Variants in ANTXRL observed in about 807,000 individuals in gnomAD.
ANTXRL encodes the protein anthrax toxin receptor-like.
Under a neutral mutation model 75.4 loss-of-function variants are expected in ANTXRL, and 63 were observed. The ratio of observed to expected loss-of-function variants is 0.84; its 90% CI spans 0.68 to 1.03. The LOEUF (loss-of-function observed/expected upper bound fraction) is 1.03. Among genes scored for constraint, ANTXRL ranks in the 50% least tolerant of loss-of-function variants. The pLI, the probability that ANTXRL is intolerant of heterozygous loss-of-function variation, is 0.00. For missense variants in ANTXRL, 797 were observed against 789.4 expected, an observed-to-expected ratio of 1.01 and a Z score of -0.12; for synonymous variants, 335 against 291.3, an observed-to-expected ratio of 1.15 and a Z score of -1.53.
intron 16 of ANTXRL, among the ~76,000 whole-genome samples, chr10:46,323,940 A>G (rs1293165752): frequency 6.6e-6 from 1 of 152,168 alleles, no homozygotes; most frequent in African/African-American, 2.4e-5. Flanking sequence ...TGAGTCCAAG[A>G]AAACCTCTTA....
chr10:46,302,570 T>C (rs1365233938), intron 9 of ANTXRL, among the ~76,000 whole-genome samples, 152 bp from the exon 10 acceptor site: 1 of 152,116 alleles, frequency 6.6e-6, no homozygotes, highest in Admixed American at 6.5e-5. Context: ...TTTGACCTAG[T>C]GGACACATAG....
intron 16 of ANTXRL, among the ~76,000 whole-genome samples, chr10:46,317,753 G>A (rs993893422): frequency 1.1e-4 from 17 of 152,010 alleles, no homozygotes; most frequent in South Asian, 2.1e-4. Context: ...AACATAATCG[G>A]GAAATACAAA....
In ANTXRL at chr10:46,289,507, C is replaced by A. The variant is rs187026448; in HGVS notation, c.248+1997C>A. 3.5e-4 allele frequency among the ~76,000 whole-genome samples: 53 copies of A among 152,242 alleles called. No individual in the cohort carries two copies. In the East Asian group the frequency reaches 5.8e-3, roughly 17 times the overall value. On this transcript the variant is annotated intron_variant, in intron 1 of 16. Transcript: ENST00000620264. ...AATTTGGGAGCCAAGGCAAGAGGAT[C>A]GCTTGAGTCTAGGAGTTCAAGATCA...
At chr10:46,324,123 G>A (rs2132912663) in intron 16 of ANTXRL, among the ~76,000 whole-genome samples, 1 of 152,212 alleles carries the variant, frequency 6.6e-6, no homozygotes, top group African/African-American at 2.4e-5. Context: ...TGCTATAGAA[G>A]GTAAATTGAG....
intron 15 of ANTXRL, among the ~76,000 whole-genome samples, chr10:46,311,925 T>C (rs367701009): frequency 6.6e-6 from 1 of 150,782 alleles, no homozygotes; most frequent in African/African-American, 2.4e-5. Context: ...GAAGGATCCA[T>C]GTTTCTGTAC....
At chr10:46,305,920 C>T (rs4611148) in intron 10 of ANTXRL, among the ~76,000 whole-genome samples, 18 of 152,282 alleles carry the variant, frequency 1.2e-4, no homozygotes, top group African/African-American at 4.3e-4. Flanking sequence ...TGAGCTTCCT[C>T]TTCACATCCA....
chr10:46,294,628 A>G (rs1674521859), intron 3 of ANTXRL, among the ~76,000 whole-genome samples: 1 of 151,320 alleles, frequency 6.6e-6, no homozygotes, highest in African/African-American at 2.4e-5. Flanking sequence ...GGGAATACAG[A>G]GTAGGGGAGC....
chr10:46,324,650 C>T (rs536250917), intron 16 of ANTXRL, among the ~76,000 whole-genome samples: 12 of 152,226 alleles, frequency 7.9e-5, no homozygotes, highest in Admixed American at 6.5e-4. Context: ...CAGTTTGGAC[C>T]TTTATAGACG....
At chr10:46,293,297 CCTGTGT>C (rs1837108020) in intron 2 of ANTXRL, among the ~76,000 whole-genome samples, 1 of 36,452 alleles carries the variant, frequency 2.7e-5, no homozygotes, top group African/African-American at 7.2e-5. Context: ...TGCGTGTGTG[CCTGTGT>C]GTGTGTGCGT....
intron 5 of ANTXRL, among the ~76,000 whole-genome samples, chr10:46,296,610 G>A (rs1837393102): frequency 6.6e-6 from 1 of 152,140 alleles, no homozygotes. Flanking sequence ...CGAGTGACTT[G>A]CATCCCCTGA....
chr10:46,316,454 C>G (rs1286870783), intron 16 of ANTXRL, among the ~76,000 whole-genome samples: 4 of 152,114 alleles, frequency 2.6e-5, no homozygotes, highest in Non-Finnish European at 5.9e-5. Flanking sequence ...CATCCAACAA[C>G]CTGGCTCCAG....
chr10:46,308,542 G>C (rs1230583003), intron 12 of ANTXRL: 2 of 432,198 alleles, frequency 4.6e-6, no homozygotes, highest in South Asian at 1.7e-5. Flanking sequence ...CCTTTATTGC[G>C]AAGAACACCC....
At chr10:46,310,210 C>T (rs550353710) in intron 13 of ANTXRL, among the ~76,000 whole-genome samples, 14 of 152,230 alleles carry the variant, frequency 9.2e-5, no homozygotes, top group Non-Finnish European at 1.5e-4. Flanking sequence ...GGGACCTGGT[C>T]CCTGGCCTGG....
chr10:46,313,095 A>G, intron 15 of ANTXRL, 141 bp from the exon 16 acceptor site: 1 of 750,966 alleles, frequency 1.3e-6, no homozygotes. Context: ...CAAGGCTGCC[A>G]GGCCCCTCCC....
chr10:46,287,620 A>G (rs540018631), intron 1 of ANTXRL, 110 bp downstream of exon 1: 1 of 1,413,008 alleles, frequency 7.1e-7, no homozygotes, highest in African/African-American at 1.4e-5. Flanking sequence ...TCACAGAAGC[A>G]GGGCCAAACT....
intron 9 of ANTXRL, among the ~76,000 whole-genome samples, chr10:46,300,977 T>TATC (rs141786949): frequency 0.025 from 3,827 of 151,724 alleles, 175 homozygotes; most frequent in African/African-American, 0.087. Flanking sequence ...CATGTTCCTT[T>TATC]ATCTCTCCCA....
intron 14 of ANTXRL, 62 bp from the exon 15 acceptor site, chr10:46,311,448 G>C: frequency 6.9e-7 from 1 of 1,448,330 alleles, no homozygotes; most frequent in South Asian, 1.4e-5. Flanking sequence ...ACACACATCT[G>C]GGAGTGGCCA....
intron 12 of ANTXRL, chr10:46,308,351 G>C (rs1475205109): frequency 2.4e-6 from 1 of 415,256 alleles, no homozygotes; most frequent in Non-Finnish European, 4.8e-6. Flanking sequence ...CTCAGCCTCA[G>C]TGGTTCCTCT....
chr10:46,300,552 AC>A (rs142488790), intron 9 of ANTXRL, among the ~76,000 whole-genome samples: 34,602 of 150,992 alleles, frequency 0.23, 3,460 homozygotes, highest in East Asian at 0.32. Context: ...TCTTAGCAGA[AC>A]CCCCAGGCCC....
Sources: gnomAD v4.1 joint callset for allele counts (sites outside exome capture counted in the v4.1 genomes callset) on GRCh38, gnomAD v4.1.1 for gene constraint, MANE v1.5 for transcripts, NCBI Gene and HGNC (gene_info 2026-07-23, HGNC 2026-07-21) for gene names.